SORCS3: variants seen among roughly 807,000 people sequenced by gnomAD.
The protein encoded by SORCS3 is sortilin related VPS10 domain containing receptor 3.
SORCS3 carries 57 observed loss-of-function variants against 146.3 expected under a neutral mutation model. The observed-to-expected ratio is 0.39, with a 90% confidence interval of 0.31 to 0.49. The LOEUF (loss-of-function observed/expected upper bound fraction) is 0.49, where lower values mean the gene tolerates loss of function less well. SORCS3 is among the 20% of genes least tolerant of loss of function. The pLI, the probability that SORCS3 is intolerant of heterozygous loss-of-function variation, is 0.92. For missense variants in SORCS3, 1,341 were observed against 1,575.5 expected, an observed-to-expected ratio of 0.85 and a Z score of 2.52; for synonymous variants, 653 against 618.5, an observed-to-expected ratio of 1.06 and a Z score of -0.83.
intron 4 of SORCS3, among the ~76,000 whole-genome samples, chr10:105,021,933 A>C (rs1256840245): frequency 6.6e-6 from 1 of 152,268 alleles, no homozygotes; most frequent in African/African-American, 2.4e-5. Flanking sequence ...TTGCTAAGTG[A>C]AAGAAGTCAA....
At chr10:105,074,988 C>T (rs1369629265) in intron 5 of SORCS3, among the ~76,000 whole-genome samples, 1 of 152,220 alleles carries the variant, frequency 6.6e-6, no homozygotes, top group Non-Finnish European at 1.5e-5. Context: ...CCCTTCTGCA[C>T]ATTATTAGCC....
At chr10:104,660,564 C>A (rs544902357) in intron 1 of SORCS3, among the ~76,000 whole-genome samples, 2 of 152,318 alleles carry the variant, frequency 1.3e-5, no homozygotes, top group Non-Finnish European at 1.5e-5. Flanking sequence ...CCAGCACCCT[C>A]CACTTTCCTT....
intron 7 of SORCS3, among the ~76,000 whole-genome samples, chr10:105,135,084 A>G (rs1589649932): frequency 6.6e-6 from 1 of 152,266 alleles, no homozygotes. Flanking sequence ...CCAACAGGGT[A>G]AACAACCTTA....
chr10:104,923,122 A>G (rs1039949526), intron 3 of SORCS3, among the ~76,000 whole-genome samples: 1 of 152,180 alleles, frequency 6.6e-6, no homozygotes, highest in Non-Finnish European at 1.5e-5. Flanking sequence ...CTCTATTTGT[A>G]TAATGGCAAG....
chr10:105,062,193 T>C (rs1194175083), intron 5 of SORCS3, among the ~76,000 whole-genome samples: 5 of 152,120 alleles, frequency 3.3e-5, no homozygotes, highest in Non-Finnish European at 7.4e-5. Flanking sequence ...TGTCAAGCAA[T>C]GTGCTAAGTC....
chr10:104,901,500 G>A (rs1279366624), intron 2 of SORCS3, among the ~76,000 whole-genome samples: 1 of 152,166 alleles, frequency 6.6e-6, no homozygotes, highest in African/African-American at 2.4e-5. Flanking sequence ...CAGGGAGTGT[G>A]CACTGGAGAC....
chr10:105,182,968 G>A (rs2119572882), intron 14 of SORCS3, among the ~76,000 whole-genome samples: 1 of 152,272 alleles, frequency 6.6e-6, no homozygotes, highest in South Asian at 2.1e-4. Flanking sequence ...CTCCCAAATT[G>A]CTGCAATTAC....
intron 1 of SORCS3, among the ~76,000 whole-genome samples, chr10:104,706,351 GGC>G (rs1409900070): frequency 5.9e-5 from 9 of 151,690 alleles, no homozygotes; most frequent in African/African-American, 2.2e-4. Context: ...GGGGACTACA[GGC>G]GTGCACCACC....
At chr10:104,833,306 C>T (rs1203184130) in intron 1 of SORCS3, among the ~76,000 whole-genome samples, 1 of 152,168 alleles carries the variant, frequency 6.6e-6, no homozygotes, top group Non-Finnish European at 1.5e-5. Context: ...CAACCTGCCA[C>T]CATGCACGAT....
chr10:104,817,419 CCCT>C (rs1320139007), intron 1 of SORCS3, among the ~76,000 whole-genome samples: 2 of 97,132 alleles, frequency 2.1e-5, no homozygotes, highest in African/African-American at 7.9e-5. Flanking sequence ...TCCCCCTTCC[CCCT>C]CCTCCTCCTC....
intron 1 of SORCS3, among the ~76,000 whole-genome samples, chr10:104,704,781 T>C (rs192554011): frequency 8.4e-4 from 128 of 152,346 alleles, no homozygotes; most frequent in African/African-American, 3.0e-3. Flanking sequence ...TGCCATCTTA[T>C]GTTCAGTGTT....
chr10:105,003,658 T>C (rs1484775392), intron 4 of SORCS3, among the ~76,000 whole-genome samples: 1 of 152,220 alleles, frequency 6.6e-6, no homozygotes, highest in Non-Finnish European at 1.5e-5. Flanking sequence ...TCATTAATTG[T>C]GCTTTTCCAG....
At chr10:105,217,915 G>A in intron 19 of SORCS3, 2 of 453,868 alleles carry the variant, frequency 4.4e-6, no homozygotes, top group South Asian at 3.1e-5. Context: ...GATATTCGTG[G>A]GTCTAAGGAC....
chr10:105,238,934 G>A (rs1001255163), intron 20 of SORCS3, among the ~76,000 whole-genome samples: 4 of 152,012 alleles, frequency 2.6e-5, no homozygotes, highest in Non-Finnish European at 5.9e-5. Context: ...AACACACAAA[G>A]ACAAAGGAAT....
chr10:104,829,731 A>C (rs2017979741), intron 1 of SORCS3, among the ~76,000 whole-genome samples: 1 of 152,126 alleles, frequency 6.6e-6, no homozygotes, highest in Admixed American at 6.6e-5. Context: ...TCTTTCTTGT[A>C]AATAAACTGT....
At chr10:105,151,043 C>T (rs2056164511) in intron 9 of SORCS3, among the ~76,000 whole-genome samples, 1 of 152,152 alleles carries the variant, frequency 6.6e-6, no homozygotes, top group African/African-American at 2.4e-5. Flanking sequence ...AGGACTGGTG[C>T]ATGAGATTCA....
intron 1 of SORCS3, among the ~76,000 whole-genome samples, chr10:104,772,194 ACT>A (rs1207328141): frequency 7.6e-6 from 1 of 130,790 alleles, no homozygotes; most frequent in African/African-American, 3.0e-5. Context: ...CTTCTTAGAA[ACT>A]CTGCTTCTAG....
chr10:104,915,824 T>A lies in SORCS3; in HGVS notation c.696-9T>A. On this transcript the variant is annotated splice_polypyrimidine_tract_variant and intron_variant, in intron 2 of 26. Coordinates refer to ENST00000369701, the MANE Select transcript of SORCS3 (RefSeq NM_014978.3). ...ATCTCTCCCTCTCTGTTTTCTCTTT[T>A]ACCTGCAGGTCGACAGATTATGGCA... is the stretch of plus-strand genomic sequence containing the variant. 1 of 1,613,472 alleles carries A rather than the reference T, an allele frequency of 6.2e-7. No homozygotes were observed. The highest frequency in any genetic ancestry group is 8.5e-7 in the Non-Finnish European group (1 of 1,179,420).
Position 104,706,174 on chromosome 10 carries a change from T to TTTTG in SORCS3, c.627+64232_627+64235dup, listed in dbSNP as rs1473601970. Among the ~76,000 whole-genome samples, 7 of 151,508 alleles carry TTTTG rather than the reference T, an allele frequency of 4.6e-5. No individual in the cohort carries two copies. In the South Asian group the frequency reaches 1.3e-3, roughly 27 times the overall value. On this transcript the variant is annotated intron_variant, in intron 1 of 26. Coordinates refer to ENST00000369701, the MANE Select transcript of SORCS3 (RefSeq NM_014978.3). ...TGAAATGTTTGGAGACTAGAGTTTC[T>TTTTG]TTTGTTTGTTTGTTTCTTTTCTTCT...
Sources: gnomAD v4.1 joint callset for allele counts (sites outside exome capture counted in the v4.1 genomes callset) on GRCh38, gnomAD v4.1.1 for gene constraint, MANE v1.5 for transcripts, NCBI Gene and HGNC (gene_info 2026-07-23, HGNC 2026-07-21) for gene names.